FOXP2: variants seen among roughly 807,000 people sequenced by gnomAD.
The protein encoded by FOXP2 is forkhead box P2.
FOXP2 carries 12 observed loss-of-function variants against 115.8 expected under a neutral mutation model. The observed-to-expected ratio is 0.10, with a 90% CI of 0.07 to 0.17. The LOEUF (loss-of-function observed/expected upper bound fraction) is 0.17. FOXP2 is among the 10% of genes least tolerant of loss of function. The pLI is 1.00. For synonymous variants in FOXP2, 328 were observed against 297.7 expected, an observed-to-expected ratio of 1.10 and a Z score of -1.05; for missense variants, 629 against 843.5, an observed-to-expected ratio of 0.75 and a Z score of 3.15.
chr7:114,610,270 G>C (rs1803558820), intron 3 of FOXP2, among the ~76,000 whole-genome samples: 3 of 152,230 alleles, frequency 2.0e-5, no homozygotes, highest in Middle Eastern at 3.4e-3. Context: ...GTATATTACT[G>C]TCTATATCTA....
chr7:114,251,021 C>T (rs1795428747), intron 1 of FOXP2, among the ~76,000 whole-genome samples: 1 of 152,178 alleles, frequency 6.6e-6, no homozygotes, highest in Non-Finnish European at 1.5e-5. Context: ...ATATGGCTAG[C>T]CAGTTTTCCC....
At chr7:114,679,111 C>T (rs1392437698) in intron 16 of FOXP2, among the ~76,000 whole-genome samples, 1 of 152,114 alleles carries the variant, frequency 6.6e-6, no homozygotes, top group Non-Finnish European at 1.5e-5. Flanking sequence ...ATCATAGGCA[C>T]CCGCCACCAT....
intron 2 of FOXP2, among the ~76,000 whole-genome samples, chr7:114,319,461 A>G (rs1797358193): frequency 6.6e-6 from 1 of 152,248 alleles, no homozygotes; most frequent in South Asian, 2.1e-4. Context: ...TATTGGACTT[A>G]CAGTTCCACA....
intron 1 of FOXP2, among the ~76,000 whole-genome samples, chr7:114,426,227 T>A (rs1793838010): frequency 6.6e-6 from 1 of 151,680 alleles, no homozygotes. Flanking sequence ...ATGTGGTCAT[T>A]CATAAATGCT....
intron 2 of FOXP2, among the ~76,000 whole-genome samples, chr7:114,336,414 C>T (rs764694673): frequency 9.7e-4 from 146 of 151,280 alleles, no homozygotes; most frequent in Non-Finnish European, 1.9e-3. Flanking sequence ...AGATAAATTC[C>T]TCCTACAAAA....
At chr7:114,342,838 A>G (rs914616261) in intron 2 of FOXP2, among the ~76,000 whole-genome samples, 1 of 151,562 alleles carries the variant, frequency 6.6e-6, no homozygotes, top group Non-Finnish European at 1.5e-5. Context: ...TGAACTATGC[A>G]GTCATAATAT....
rs111652512 is a variant in FOXP2, at chr7:114,277,748, A to T, written c.-101-10271A>T. On this transcript the variant is annotated intron_variant, in intron 1 of 17. Transcript: ENST00000634411. ...TATACTGTATGTTGCTGAAGAAGTA[A>T]CTATTATTTGATTAAAAAAGCAGAA... 1.3e-3 allele frequency among the ~76,000 whole-genome samples: 193 copies of T among 152,166 alleles called. 1 individual carries two copies. The highest frequency in any genetic ancestry group is 4.3e-3 in the African/African-American group (179 of 41,542).
rs1801731502 is a variant in FOXP2 at position 114,579,499 on chromosome 7, A to G, written c.258+44793A>G. 2.0e-5 allele frequency among the ~76,000 whole-genome samples: 3 copies of G among 151,756 alleles called. No individual in the cohort carries two copies. In the South Asian group the frequency reaches 6.3e-4, roughly 32 times the overall value. The stretch of plus-strand genomic sequence containing the variant: ...TTGCTGTGACTGTCGCCCACCCCAA[A>G]CTAGGCTCTTTTCTTTCCCTACCTT... On this transcript the variant is annotated intron_variant, in intron 3 of 16. Coordinates refer to ENST00000350908, the MANE Select transcript of FOXP2 (RefSeq NM_014491.4).
intron 2 of FOXP2, among the ~76,000 whole-genome samples, chr7:114,489,192 A>T (rs1796924831): frequency 1.3e-5 from 2 of 152,270 alleles, no homozygotes; most frequent in South Asian, 4.1e-4. Flanking sequence ...TCTTTTTGTA[A>T]TTAAGATTAA....
chr7:114,444,865 G>A (rs2129214585), intron 2 of FOXP2, among the ~76,000 whole-genome samples: 1 of 152,068 alleles, frequency 6.6e-6, no homozygotes, highest in Non-Finnish European at 1.5e-5. Flanking sequence ...CTTAATAGTG[G>A]TTATGTCTGG....
At chr7:114,687,232 A>G (rs951227528) in intron 16 of FOXP2, among the ~76,000 whole-genome samples, 1 of 152,178 alleles carries the variant, frequency 6.6e-6, no homozygotes, top group African/African-American at 2.4e-5. Flanking sequence ...ATCCAGTTGG[A>G]GCATAGCTAA....
rs572936068 is a variant in FOXP2 at position 114,509,312 on chromosome 7, C to T, written c.169-25305C>T. Among the ~76,000 whole-genome samples, 22 of 151,732 alleles carry T rather than the reference C, an allele frequency of 1.4e-4. No individual in the cohort carries two copies. The South Asian group carries it at 3.9e-3, about 27-fold the overall frequency. On this transcript the variant is annotated intron_variant, in intron 2 of 16. Transcript: ENST00000350908. Reference sequence around the variant, plus strand: ...TTTGTTTTGTTTTTTGAGACAGTTTCGCTCTTGTTGCCCAGGCTGGAGTGC... The same window carrying T: ...TTTGTTTTGTTTTTTGAGACAGTTTTGCTCTTGTTGCCCAGGCTGGAGTGC...
chr7:114,648,067 G>A (rs891859704), intron 8 of FOXP2, among the ~76,000 whole-genome samples: 2 of 151,984 alleles, frequency 1.3e-5, no homozygotes, highest in African/African-American at 4.8e-5. Flanking sequence ...AAGAGCAATA[G>A]AAAACAGTGG....
chr7:114,576,150 G>A (rs1801564578), intron 3 of FOXP2, among the ~76,000 whole-genome samples: 1 of 151,914 alleles, frequency 6.6e-6, no homozygotes, highest in Non-Finnish European at 1.5e-5. Flanking sequence ...TAGTGACCAT[G>A]TTTAGGGTTA....
rs1300415125 is a variant in FOXP2 at position 114,244,922 on chromosome 7, C to T, written c.-101-43097C>T. ...GACTACAGGCGCCCACCATCACGCC[C>T]GGCTAATTTTTTTGTATTTTTAGTA... On this transcript the variant is annotated intron_variant, in intron 1 of 17. Coordinates refer to the FOXP2 transcript ENST00000634411. 4.6e-5 allele frequency among the ~76,000 whole-genome samples: 7 copies of T among 151,974 alleles called. No individual in the cohort carries two copies. In the East Asian group the frequency reaches 1.2e-3, roughly 25 times the overall value.
rs534397269 is a variant in FOXP2 at position 114,099,935 on chromosome 7, A to G, written c.-247+12097A>G. ...TGGTCCTGCCAGCAAATCAAAATTG[A>G]TGACTACTTGAGGTAATCAATATGT... On this transcript the variant is annotated intron_variant, in intron 1 of 19. Coordinates refer to the FOXP2 transcript ENST00000635638. Among the ~76,000 whole-genome samples, 3 of 152,348 alleles carry G rather than the reference A, an allele frequency of 2.0e-5. No individual in the cohort carries two copies. In the South Asian group the frequency reaches 6.2e-4, roughly 32 times the overall value.
intron 2 of FOXP2, among the ~76,000 whole-genome samples, chr7:114,504,348 G>T (rs928297512): frequency 6.6e-6 from 1 of 151,538 alleles, no homozygotes; most frequent in African/African-American, 2.4e-5. Flanking sequence ...TCTCAAGAGA[G>T]TGTTGAGCCA....
At chr7:114,379,732 G>C (rs1792234177) in intron 2 of FOXP2, among the ~76,000 whole-genome samples, 1 of 152,174 alleles carries the variant, frequency 6.6e-6, no homozygotes, top group South Asian at 2.1e-4. Context: ...CTGCAGTGTA[G>C]GGGATTATTT....
rs1053968854 is a variant in FOXP2, at chr7:114,466,439, G to C, written c.168+39760G>C. 3.3e-5 allele frequency among the ~76,000 whole-genome samples: 5 copies of C among 152,252 alleles called. No individual in the cohort carries two copies. The East Asian group carries it at 9.7e-4, about 29-fold the overall frequency. Reference sequence around the variant, plus strand: ...GCCTCCCAGATGTGTTGTCACTATGGTTACTTACTTTTCAAGACCTTGTGC... The same window carrying C: ...GCCTCCCAGATGTGTTGTCACTATGCTTACTTACTTTTCAAGACCTTGTGC... On this transcript the variant is annotated intron_variant, in intron 2 of 16. Coordinates refer to ENST00000350908, the MANE Select transcript of FOXP2 (RefSeq NM_014491.4).
Sources: allele counts gnomAD v4.1 joint callset (sites outside exome capture counted in the v4.1 genomes callset), GRCh38; gene constraint gnomAD v4.1.1; transcripts MANE v1.5; gene names NCBI Gene and HGNC (gene_info 2026-07-23, HGNC 2026-07-21).